The following PHF21A variants were observed in gnomAD, a reference collection of about 807,000 sequenced individuals.
The protein encoded by PHF21A is BHC80a.
A neutral mutation model predicts 82.5 loss-of-function variants in PHF21A; 11 were observed. The observed-to-expected ratio is 0.13, with a 90% CI of 0.08 to 0.22. The LOEUF is 0.22. PHF21A is among the 10% of genes least tolerant of loss of function. PHF21A has a pLI of 1.00. For missense variants in PHF21A, 579 were observed against 837.8 expected (o/e 0.69, Z 3.81); for synonymous variants, 297 against 302.8 (o/e 0.98, Z 0.20).
In PHF21A at chr11:45,965,303, C is replaced by G; in HGVS notation, c.996+12G>C. On this transcript the variant is annotated intron_variant, in intron 10 of 18. Coordinates refer to ENST00000676320, the MANE Select transcript of PHF21A (RefSeq NM_001352027.3). ...GGCTACTGCCCAGAGCAGGTACATA[C>G]TCTGCCTGTACCTGTTTTTCAAGAC... The G allele has an allele frequency of 6.2e-7, 1 of 1,612,666 alleles. No individual in the cohort carries two copies. Among genetic ancestry groups the G allele is most frequent in the East Asian group, 2.2e-5 (1 of 44,852 alleles).
intron 10 of PHF21A, among the ~76,000 whole-genome samples, chr11:45,962,674 C>A (rs1159638713): frequency 0.022 from 71 of 3,284 alleles, 1 homozygote; most frequent in African/African-American, 0.032. Context: ...GGTGGGTCGC[C>A]TGAGGTCAGG....
intron 6 of PHF21A, among the ~76,000 whole-genome samples, chr11:46,008,234 G>C (rs1177563327): frequency 6.6e-6 from 1 of 152,174 alleles, no homozygotes; most frequent in African/African-American, 2.4e-5. Flanking sequence ...ATGTTCAGAT[G>C]ATAACTCAAT....
intron 6 of PHF21A, among the ~76,000 whole-genome samples, chr11:46,075,606 C>T (rs1283464719): frequency 6.6e-6 from 1 of 152,160 alleles, no homozygotes; most frequent in African/African-American, 2.4e-5. Context: ...TTTAGTTTGG[C>T]AATTCCCTAA....
At chr11:46,112,814 C>T (rs192795272) in intron 1 of PHF21A, among the ~76,000 whole-genome samples, 4 of 152,260 alleles carry the variant, frequency 2.6e-5, no homozygotes, top group Non-Finnish European at 5.9e-5. Flanking sequence ...CTCATGCCCA[C>T]ACTAGCAATG....
intron 10 of PHF21A, among the ~76,000 whole-genome samples, chr11:45,962,697 G>T (rs11038727): frequency 0.87 from 102,039 of 117,594 alleles, 44,781 homozygotes; most frequent in East Asian, 1. Flanking sequence ...TCTGAGACCA[G>T]CCTGGCCAAC....
At chr11:46,044,167 T>A (rs113215157) in intron 6 of PHF21A, among the ~76,000 whole-genome samples, 97 of 152,176 alleles carry the variant, frequency 6.4e-4, no homozygotes, top group African/African-American at 2.0e-3. Flanking sequence ...ATAGCAACTA[T>A]TAACACAAGA....
At chr11:46,042,733 T>C (rs1224965193) in intron 6 of PHF21A, among the ~76,000 whole-genome samples, 1 of 151,988 alleles carries the variant, frequency 6.6e-6, no homozygotes, top group Non-Finnish European at 1.5e-5. Context: ...GAGATTAGTG[T>C]CCTTATAAAA....
At chr11:45,973,659 T>C (rs1466275542) in intron 7 of PHF21A, among the ~76,000 whole-genome samples, 4 of 152,178 alleles carry the variant, frequency 2.6e-5, no homozygotes. Context: ...TTAATAGTAG[T>C]GTAACAGCAA....
intron 15 of PHF21A, among the ~76,000 whole-genome samples, chr11:45,943,054 AT>A (rs2090645828): frequency 6.6e-6 from 1 of 151,174 alleles, no homozygotes; most frequent in African/African-American, 2.4e-5. Context: ...TTCAAAATAT[AT>A]GCAGACGTGA....
At position 45,949,444 on chromosome 11, in the gene PHF21A, T is replaced by C; in HGVS notation, c.1185A>G (p.Thr395=). The part of the protein sequence containing the change: ...QSKRQERKRR[T]TANPVYSGAV... Reference sequence around the variant, plus strand: ...CTCCACTGTAGACCGGATTTGCTGTTGTTCTTCTTTTTCGCTCTTGCCTCT... The same window carrying C: ...CTCCACTGTAGACCGGATTTGCTGTCGTTCTTCTTTTTCGCTCTTGCCTCT... The change falls in exon 13 of 19, where the codon ACA becomes ACG. Residue 395 remains threonine (T), a synonymous_variant. Coordinates refer to ENST00000676320, the MANE Select transcript of PHF21A (RefSeq NM_001352027.3). The C allele has an allele frequency of 6.2e-7, 1 of 1,614,256 alleles. No individual in the cohort carries two copies. The highest frequency in any genetic ancestry group is 1.6e-4 in the Middle Eastern group (1 of 6,062).
At chr11:46,050,178 TC>T (rs1178954900) in intron 6 of PHF21A, among the ~76,000 whole-genome samples, 1 of 152,218 alleles carries the variant, frequency 6.6e-6, no homozygotes, top group East Asian at 1.9e-4. Flanking sequence ...CCTCCTTTTT[TC>T]CCCCCTTAAT....
chr11:45,975,579 G>T (rs2093987012), intron 7 of PHF21A, among the ~76,000 whole-genome samples: 1 of 151,888 alleles, frequency 6.6e-6, no homozygotes, highest in African/African-American at 2.4e-5. Context: ...TTTTCCATTT[G>T]GTTTTATTAA....
intron 6 of PHF21A, among the ~76,000 whole-genome samples, chr11:45,989,906 G>C (rs2094623636): frequency 1.3e-5 from 2 of 150,922 alleles, no homozygotes; most frequent in East Asian, 4.0e-4. Context: ...GGCTGAGGCT[G>C]GCTTGAGCCC....
intron 11 of PHF21A, among the ~76,000 whole-genome samples, chr11:45,950,813 AT>A (rs1469966206): frequency 6.6e-6 from 1 of 152,212 alleles, no homozygotes; most frequent in Non-Finnish European, 1.5e-5. Flanking sequence ...AGAGCCTCCC[AT>A]TTAACAAGCT....
chr11:46,079,485 T>C (rs80032902), intron 4 of PHF21A, among the ~76,000 whole-genome samples: 4,132 of 152,276 alleles, frequency 0.027, 57 homozygotes, highest in South Asian at 0.069. Flanking sequence ...CCCTTTCAAA[T>C]GTTGTCAATG....
intron 3 of PHF21A, among the ~76,000 whole-genome samples, chr11:46,089,859 C>T (rs1265229067): frequency 2.0e-5 from 3 of 151,528 alleles, no homozygotes; most frequent in African/African-American, 7.3e-5. Flanking sequence ...ACAGGTCATA[C>T]CTCCACTGCA....
chr11:46,013,419 T>C (rs2095449923), intron 6 of PHF21A, among the ~76,000 whole-genome samples: 1 of 152,134 alleles, frequency 6.6e-6, no homozygotes, highest in Non-Finnish European at 1.5e-5. Flanking sequence ...TTATTTTACT[T>C]AATAATGGCC....
At chr11:46,002,420 C>T (rs913245556) in intron 6 of PHF21A, among the ~76,000 whole-genome samples, 17 of 152,196 alleles carry the variant, frequency 1.1e-4, no homozygotes, top group African/African-American at 4.1e-4. Flanking sequence ...AATTTATTAA[C>T]TTTCCAATAA....
intron 6 of PHF21A, among the ~76,000 whole-genome samples, chr11:46,075,127 C>T (rs2134917747): frequency 6.6e-6 from 1 of 152,232 alleles, no homozygotes; most frequent in Middle Eastern, 3.4e-3. Flanking sequence ...AATGTCTTAA[C>T]ATAGATAGTT....
Sources: gnomAD v4.1 joint callset for allele counts (sites outside exome capture counted in the v4.1 genomes callset) on GRCh38, gnomAD v4.1.1 for gene constraint, MANE v1.5 for transcripts, NCBI Gene and HGNC (gene_info 2026-07-23, HGNC 2026-07-21) for gene names.